The following PAPPA2 variants were observed in gnomAD, a reference collection of about 807,000 sequenced individuals.
The protein encoded by PAPPA2 is pappalysin 2.
PAPPA2 carries 86 observed loss-of-function variants against 176.4 expected under a neutral mutation model. That is an observed-to-expected ratio of 0.49 (90% CI 0.41 to 0.58). The LOEUF (loss-of-function observed/expected upper bound fraction) is 0.58, where lower values mean the gene tolerates loss of function less well. PAPPA2 is among the 20% of genes least tolerant of loss of function. The pLI is 0.00. For synonymous variants in PAPPA2, 809 were observed against 852.2 expected (o/e 0.95, Z 0.88); for missense variants, 2,073 against 2,256.9 (o/e 0.92, Z 1.65).
intron 3 of PAPPA2, among the ~76,000 whole-genome samples, chr1:176,665,356 G>A (rs1034479764): frequency 1.3e-5 from 2 of 152,056 alleles, no homozygotes; most frequent in Non-Finnish European, 2.9e-5. Context: ...TATCTTGTCT[G>A]TGGACACTCA....
Position 176,465,488 on chromosome 1 carries a change from A to G in PAPPA2, c.-917+2070A>G, listed in dbSNP as rs142269543. ...TGTTAGATTAGACGCATTTTTTCCT[A>G]TATTTATTGGGCACATATATCACCT... On this transcript the variant is annotated intron_variant, in intron 1 of 22. Coordinates refer to ENST00000367662, the MANE Select transcript of PAPPA2 (RefSeq NM_020318.3). 5.9e-3 allele frequency among the ~76,000 whole-genome samples: 898 copies of G among 152,228 alleles called. 10 individuals are homozygous for G. The highest frequency in any genetic ancestry group is 0.02 in the African/African-American group (840 of 41,540).
At chr1:176,738,341 C>A (rs565569847) in intron 12 of PAPPA2, among the ~76,000 whole-genome samples, 5 of 152,104 alleles carry the variant, frequency 3.3e-5, no homozygotes, top group Non-Finnish European at 5.9e-5. Context: ...GAGAGCCGTG[C>A]TGCTTTGACC....
intron 5 of PAPPA2, 57 bp from the exon 6 acceptor site, chr1:176,692,069 G>T: frequency 4.7e-6 from 7 of 1,492,618 alleles, no homozygotes; most frequent in Non-Finnish European, 6.4e-6. Context: ...TCCCTGCCTT[G>T]GTGGACTTGA....
chr1:176,568,618 C>T (rs1010971460), intron 2 of PAPPA2, among the ~76,000 whole-genome samples: 4 of 152,180 alleles, frequency 2.6e-5, no homozygotes, highest in African/African-American at 4.8e-5. Context: ...ACATCCATTG[C>T]TTGTCCTGTT....
At position 176,822,064 on chromosome 1, in the gene PAPPA2, A is replaced by G. The variant is rs545839387; in HGVS notation, c.5203-18109A>G. 2.2e-3 allele frequency among the ~76,000 whole-genome samples: 329 copies of G among 152,276 alleles called. 3 individuals are homozygous for G. The highest frequency in any genetic ancestry group is 3.8e-3 in the Non-Finnish European group (257 of 68,012). ...GCTCCCTGCCTCCCACTCACCCCAC[A>G]TGCAAAGTGGAGCAGAAATAAATAA... On this transcript the variant is annotated intron_variant, in intron 21 of 22. Transcript: ENST00000367662.
intron 1 of PAPPA2, among the ~76,000 whole-genome samples, chr1:176,555,134 A>C (rs1651199467): frequency 6.6e-6 from 1 of 152,186 alleles, no homozygotes; most frequent in Non-Finnish European, 1.5e-5. Flanking sequence ...TGGGGAAACC[A>C]AGAGTAGCGT....
chr1:176,593,796 C>T (rs1420455435), intron 2 of PAPPA2, among the ~76,000 whole-genome samples: 11 of 152,308 alleles, frequency 7.2e-5, no homozygotes, highest in African/African-American at 1.7e-4. Context: ...AGTCTGCTTC[C>T]GTACTGCGGT....
At chr1:176,498,718 C>A (rs1572971555) in intron 1 of PAPPA2, among the ~76,000 whole-genome samples, 2 of 149,260 alleles carry the variant, frequency 1.3e-5, no homozygotes, top group East Asian at 3.9e-4. Context: ...CCATTGCACT[C>A]CAGCCTGGGC....
intron 7 of PAPPA2, among the ~76,000 whole-genome samples, chr1:176,697,584 C>G (rs1053870149): frequency 6.6e-6 from 1 of 152,154 alleles, no homozygotes; most frequent in African/African-American, 2.4e-5. Flanking sequence ...CAACTATTTT[C>G]TAAATGCTAT....
intron 1 of PAPPA2, among the ~76,000 whole-genome samples, chr1:176,532,071 G>A (rs1406561238): frequency 6.6e-6 from 1 of 152,192 alleles, no homozygotes; most frequent in East Asian, 1.9e-4. Flanking sequence ...CAGCAATTTG[G>A]TTGTGGAAGA....
chr1:176,696,108 G>T (rs1196015394), intron 7 of PAPPA2, among the ~76,000 whole-genome samples: 1 of 151,930 alleles, frequency 6.6e-6, no homozygotes, highest in Non-Finnish European at 1.5e-5. Context: ...GCAGAGACCA[G>T]CATATAGGAC....
intron 14 of PAPPA2, among the ~76,000 whole-genome samples, chr1:176,754,862 T>G (rs139183817): frequency 1.1e-4 from 17 of 152,282 alleles, no homozygotes; most frequent in South Asian, 1.0e-3. Context: ...TTGAAATGAC[T>G]CTCAGGCCGT....
intron 12 of PAPPA2, among the ~76,000 whole-genome samples, chr1:176,712,633 A>G (rs1258377499): frequency 6.6e-6 from 1 of 152,220 alleles, no homozygotes; most frequent in African/African-American, 2.4e-5. Context: ...CTATTATGCT[A>G]TTACAAGTCA....
At chr1:176,664,858 C>T (rs1658546854) in intron 3 of PAPPA2, among the ~76,000 whole-genome samples, 1 of 152,060 alleles carries the variant, frequency 6.6e-6, no homozygotes, top group African/African-American at 2.4e-5. Flanking sequence ...CAGATATATT[C>T]CTGGTTGATG....
intron 1 of PAPPA2, among the ~76,000 whole-genome samples, chr1:176,502,501 T>A (rs963455209): frequency 1.3e-5 from 2 of 152,190 alleles, no homozygotes; most frequent in Admixed American, 6.6e-5. Flanking sequence ...CCAAATAAGC[T>A]TGTATGTATT....
chr1:176,840,303 A>C (rs776126273), intron 22 of PAPPA2, 32 bp downstream of exon 22: 1 of 1,549,380 alleles, frequency 6.5e-7, no homozygotes, highest in East Asian at 2.2e-5. Context: ...TGGGGGAGGC[A>C]GTGGCTTCAG....
intron 2 of PAPPA2, among the ~76,000 whole-genome samples, chr1:176,582,784 G>A (rs185547593): frequency 1.3e-5 from 2 of 152,124 alleles, no homozygotes; most frequent in African/African-American, 4.8e-5. Context: ...AATGAGTTTA[G>A]AAGAACTACC....
intron 17 of PAPPA2, among the ~76,000 whole-genome samples, chr1:176,771,998 G>A (rs2102914340): frequency 6.6e-6 from 1 of 152,194 alleles, no homozygotes; most frequent in East Asian, 1.9e-4. Flanking sequence ...TTAGAATAAT[G>A]CTTGCATCCA....
At chr1:176,836,429 G>C (rs889127786) in intron 21 of PAPPA2, among the ~76,000 whole-genome samples, 4 of 152,222 alleles carry the variant, frequency 2.6e-5, no homozygotes, top group Non-Finnish European at 5.9e-5. Context: ...TAATGCAGAA[G>C]TTCTAAAGTC....
Sources: gnomAD v4.1 joint callset for allele counts (sites outside exome capture counted in the v4.1 genomes callset) on GRCh38, gnomAD v4.1.1 for gene constraint, MANE v1.5 for transcripts, NCBI Gene and HGNC (gene_info 2026-07-23, HGNC 2026-07-21) for gene names.